TCP11L2: variants seen among roughly 807,000 people sequenced by gnomAD.
TCP11L2 encodes t-complex 11 like 2, also known as T-complex protein 11-like protein 2.
TCP11L2 carries 39 observed loss-of-function variants against 50.7 expected under a neutral mutation model. The observed-to-expected ratio is 0.77, with a 90% confidence interval of 0.60 to 1.01. TCP11L2 has a LOEUF of 1.01. Among genes scored for constraint, TCP11L2 ranks in the 50% least tolerant of loss-of-function variants. The pLI is 0.00. For synonymous variants in TCP11L2, 192 were observed against 219.3 expected (o/e 0.88, Z 1.10); for missense variants, 612 against 614.7 (o/e 1.00, Z 0.05).
upstream of TCP11L2, among the ~76,000 whole-genome samples, chr12:106,299,962 A>G (rs2034384228): frequency 6.6e-6 from 1 of 152,186 alleles, no homozygotes; most frequent in African/African-American, 2.4e-5. Flanking sequence ...TCGAACAAAA[A>G]TTTTGATCTG....
Position 106,329,047 on chromosome 12 carries a change from A to G in TCP11L2, c.772+5401A>G, listed in dbSNP as rs540741894. ...TGGTTTCTCAGAGAAAGCCAGCACC[A>G]AAAGAAGGGAAAGTGAGATGTTGCC... On this transcript the variant is annotated intron_variant, in intron 6 of 9. Coordinates refer to ENST00000299045, the MANE Select transcript of TCP11L2 (RefSeq NM_152772.3). Among the ~76,000 whole-genome samples the G allele has an allele frequency of 5.6e-4, 86 of 152,244 alleles. 1 individual carries two copies. The highest frequency in any genetic ancestry group is 1.9e-3 in the African/African-American group (79 of 41,480).
intron 9 of TCP11L2, among the ~76,000 whole-genome samples, chr12:106,344,541 A>G (rs931043895): frequency 1.3e-5 from 2 of 152,338 alleles, no homozygotes; most frequent in South Asian, 4.1e-4. Context: ...ATGAGATGAG[A>G]TTGAAGGGCA....
chr12:106,310,877 A>G (rs750134088), intron 1 of TCP11L2, among the ~76,000 whole-genome samples, 164 bp from the exon 2 acceptor site: 1 of 152,230 alleles, frequency 6.6e-6, no homozygotes, highest in Admixed American at 6.5e-5. Flanking sequence ...TGACCTAGTG[A>G]TCTGGCCTAG....
intron 9 of TCP11L2, among the ~76,000 whole-genome samples, chr12:106,345,865 C>G (rs1281794009): frequency 1.3e-5 from 2 of 152,140 alleles, no homozygotes; most frequent in South Asian, 4.1e-4. Flanking sequence ...TGTTTGAATG[C>G]TGGTTGGCTA....
chr12:106,317,890 A>G (rs1017724574), intron 3 of TCP11L2, among the ~76,000 whole-genome samples: 1 of 152,238 alleles, frequency 6.6e-6, no homozygotes, highest in Non-Finnish European at 1.5e-5. Flanking sequence ...TTTAAATGGG[A>G]CACCTAAGTC....
At chr12:106,338,341 C>T (rs542482302) in intron 8 of TCP11L2, among the ~76,000 whole-genome samples, 3 of 151,778 alleles carry the variant, frequency 2.0e-5, no homozygotes, top group Admixed American at 2.0e-4. Context: ...GTGTAGGAGC[C>T]AGTATCTGTT....
At chr12:106,302,445 T>C (rs1363149597), upstream of TCP11L2, among the ~76,000 whole-genome samples, 1 of 134,530 alleles carries the variant, frequency 7.4e-6, no homozygotes, top group Non-Finnish European at 1.6e-5. Context: ...CCCAGTGCCC[T>C]GGCAGGCCCC....
chr12:106,335,782 T>G lies in TCP11L2; in HGVS notation c.916T>G (p.Leu306Val), dbSNP rs2136796058. 6.2e-7 allele frequency: 1 copy of G among 1,614,220 alleles called. No homozygotes were observed. Among genetic ancestry groups the G allele is most frequent in the Non-Finnish European group, 8.5e-7 (1 of 1,180,028 alleles). ...SPTLVLNNSY[L>V]KLLQWDYQKK... ...TACTTTGGTGCTAAATAATAGTTAC[T>G]TGAAACTGTTACAGTGGGATTATCA... The change falls in exon 7 of 10, where the codon TTG becomes GTG. Residue 306 changes from leucine to valine, a missense_variant. Coordinates refer to ENST00000299045, the MANE Select transcript of TCP11L2 (RefSeq NM_152772.3).
upstream of TCP11L2, among the ~76,000 whole-genome samples, chr12:106,300,682 CA>C: frequency 6.6e-6 from 1 of 152,320 alleles, no homozygotes; most frequent in East Asian, 1.9e-4. Context: ...AGGTAATTCA[CA>C]GAAGGGTTTT....
chr12:106,299,541 C>G (rs988173894), upstream of TCP11L2, among the ~76,000 whole-genome samples: 2 of 152,168 alleles, frequency 1.3e-5, no homozygotes, highest in Non-Finnish European at 2.9e-5. Context: ...ATGTATTAAA[C>G]CAAGCACAGG....
chr12:106,312,245 C>T (rs771026788), intron 2 of TCP11L2: 2 of 406,404 alleles, frequency 4.9e-6, no homozygotes, highest in South Asian at 1.8e-5. Flanking sequence ...AATCACTGGA[C>T]ATTTAGTTTC....
chr12:106,346,622 C>A lies in TCP11L2; in HGVS notation c.*92C>A. 6.7e-7 allele frequency: 1 copy of A among 1,498,274 alleles called. No individual in the cohort carries two copies. Among genetic ancestry groups the A allele is most frequent in the African/African-American group, 1.4e-5 (1 of 72,302 alleles). The allele number at this position is 1,498,274 out of a possible 1,614,324, so 92.8% of individuals were successfully genotyped here. ...TGGCATTAGAGATCCAGCACATTCT[C>A]AGTACTGTGGTGCAGTATTAGCCCA... On this transcript the variant is annotated 3_prime_UTR_variant, in exon 10 of 10. Coordinates refer to ENST00000299045, the MANE Select transcript of TCP11L2 (RefSeq NM_152772.3).
chr12:106,312,425 G>T, intron 2 of TCP11L2: 1 of 1,215,986 alleles, frequency 8.2e-7, no homozygotes. Context: ...ATTAACAGCA[G>T]CCACCCCAGG....
rs548934491 is a variant in TCP11L2, at chr12:106,336,441, A to G, written c.1142+228A>G. 6.6e-5 allele frequency among the ~76,000 whole-genome samples: 10 copies of G among 151,936 alleles called. No homozygotes were observed. In the South Asian group the frequency reaches 2.1e-3, roughly 32 times the overall value. ...TGACAAGTGCCAGGGTGAGTGTAGT[A>G]TTTCCACTTACAATGAATGTGTACA... On this transcript the variant is annotated intron_variant, in intron 8 of 9. Transcript: ENST00000299045.
intron 9 of TCP11L2, 62 bp downstream of exon 9, chr12:106,341,060 A>G: frequency 2.8e-6 from 4 of 1,416,808 alleles, no homozygotes. Context: ...GATTTTGACT[A>G]ACATTAAGTC....
Position 106,340,875 on chromosome 12 carries a change from G to A in TCP11L2, c.1192G>A (p.Val398Ile), listed in dbSNP as rs747948009. 6.2e-7 allele frequency: 1 copy of A among 1,613,458 alleles called. No homozygotes were observed. The change falls in exon 9 of 10, where the codon GTT (valine) becomes ATT (isoleucine). Residue 398 changes from valine to isoleucine, a missense_variant. Physicochemically the swap from Val to Ile is conservative, Grantham distance 29. Coordinates refer to ENST00000299045, the MANE Select transcript of TCP11L2 (RefSeq NM_152772.3). Reference sequence around the variant, plus strand: ...GAATTCTATTGGTATTCAGACTTGTGTTGAGGTTAACAAGACCCTGATGGA... The same window carrying A: ...GAATTCTATTGGTATTCAGACTTGTATTGAGGTTAACAAGACCCTGATGGA... The part of the protein sequence containing the change: ...VLNSIGIQTC[V>I]EVNKTLMERG...
rs138093060 is a variant in TCP11L2 at position 106,320,126 on chromosome 12, C to T, written c.415-1360C>T. On this transcript the variant is annotated intron_variant, in intron 4 of 9. Transcript: ENST00000299045. ...AGAAAAAAGATAGATTCCAGCTGGG[C>T]GCGGCGGCTCATGCCTGTAATCCCA... Among the ~76,000 whole-genome samples the T allele has an allele frequency of 1.5e-3, 235 of 152,258 alleles. 1 individual carries two copies. The highest frequency in any genetic ancestry group is 5.0e-3 in the African/African-American group (208 of 41,552).
chr12:106,334,193 G>C (rs1397021711), intron 6 of TCP11L2, among the ~76,000 whole-genome samples: 1 of 152,202 alleles, frequency 6.6e-6, no homozygotes, highest in Non-Finnish European at 1.5e-5. Flanking sequence ...TGTCAGAAAA[G>C]CCAGGGAAAG....
intron 1 of TCP11L2, chr12:106,303,223 C>T (rs1336253972): frequency 6.6e-6 from 1 of 152,264 alleles, no homozygotes; most frequent in Non-Finnish European, 1.5e-5. Context: ...CCTCGGAGGC[C>T]GCTTCGCCGC....
Sources: gnomAD v4.1 joint callset for allele counts (sites outside exome capture counted in the v4.1 genomes callset) on GRCh38, gnomAD v4.1.1 for gene constraint, MANE v1.5 for transcripts, NCBI Gene and HGNC (gene_info 2026-07-23, HGNC 2026-07-21) for gene names.